FRAS1: variants seen among roughly 807,000 people sequenced by gnomAD.
The protein encoded by FRAS1 is Fraser extracellular matrix complex subunit 1, also known as extracellular matrix organizing protein FRAS1.
In FRAS1, 290 loss-of-function variants were observed where a neutral mutation model predicts 435.2. That is an observed-to-expected ratio of 0.67 (90% confidence interval 0.61 to 0.73). The LOEUF (loss-of-function observed/expected upper bound fraction) is 0.73, where lower values mean the gene tolerates loss of function less well. Among genes scored for constraint, FRAS1 ranks in the 30% least tolerant of loss-of-function variants. FRAS1 has a pLI of 0.00. For synonymous variants in FRAS1, 1,800 were observed against 1,851.0 expected (o/e 0.97, Z 0.71); for missense variants, 4,860 against 5,001.5 (o/e 0.97, Z 0.85).
At chr4:78,310,863 T>G (rs891034998) in intron 15 of FRAS1, among the ~76,000 whole-genome samples, 12 of 152,232 alleles carry the variant, frequency 7.9e-5, no homozygotes, top group African/African-American at 2.9e-4. Context: ...TTTAACAATT[T>G]ATAACCTACC....
At chr4:78,337,299 C>A (rs1448094698) in intron 19 of FRAS1, among the ~76,000 whole-genome samples, 1 of 152,146 alleles carries the variant, frequency 6.6e-6, no homozygotes, top group Non-Finnish European at 1.5e-5. Context: ...CTCCCTGTCC[C>A]ACTCATTCTT....
At chr4:78,206,475 G>A (rs1476624450) in intron 2 of FRAS1, among the ~76,000 whole-genome samples, 1 of 152,124 alleles carries the variant, frequency 6.6e-6, no homozygotes, top group Non-Finnish European at 1.5e-5. Context: ...ATTTTTTGGT[G>A]TTTTCAGCCA....
chr4:78,218,686 C>A (rs545017186), intron 2 of FRAS1, among the ~76,000 whole-genome samples: 1 of 152,222 alleles, frequency 6.6e-6, no homozygotes, highest in African/African-American at 2.4e-5. Flanking sequence ...TCAAACCAGT[C>A]TTCCCAGAGG....
chr4:78,157,888 A>G (rs1424602519), intron 2 of FRAS1, among the ~76,000 whole-genome samples: 1 of 152,038 alleles, frequency 6.6e-6, no homozygotes, highest in Non-Finnish European at 1.5e-5. Context: ...TATTCTGTAT[A>G]TGGATGGCCA....
intron 51 of FRAS1, among the ~76,000 whole-genome samples, chr4:78,470,969 A>C (rs1719687923): frequency 6.6e-6 from 1 of 152,210 alleles, no homozygotes; most frequent in African/African-American, 2.4e-5. Flanking sequence ...TAGCATCTCT[A>C]GCTGGGCAGG....
intron 20 of FRAS1, among the ~76,000 whole-genome samples, chr4:78,345,278 G>A (rs410769): frequency 0.17 from 25,784 of 152,040 alleles, 2,885 homozygotes; most frequent in African/African-American, 0.32. Context: ...TGGAAATGCT[G>A]GTAATTCCCA....
chr4:78,482,910 G>A (rs796557728), intron 58 of FRAS1, among the ~76,000 whole-genome samples: 21 of 152,298 alleles, frequency 1.4e-4, no homozygotes, highest in African/African-American at 4.6e-4. Flanking sequence ...TACAAGTGGG[G>A]GAAATTATAG....
intron 2 of FRAS1, among the ~76,000 whole-genome samples, chr4:78,100,796 G>A (rs1157238074): frequency 2.6e-5 from 4 of 152,114 alleles, no homozygotes; most frequent in Admixed American, 2.6e-4. Context: ...ACATCTTTGA[G>A]GTATGGATAT....
rs571054129 is a variant in FRAS1 at position 78,286,524 on chromosome 4, C to T, written c.1519C>T (p.Arg507Cys). The T allele has an allele frequency of 1.4e-5, 23 of 1,612,834 alleles. No homozygotes were observed. Among genetic ancestry groups the T allele is most frequent in the African/African-American group, 1.3e-4 (10 of 75,050 alleles). ...PTCGDGFYQD[R>C]HSCAVCHESC... ...CTGTGGGGACGGCTTCTACCAAGAT[C>T]GCCATTCCTGTGCAGGTAATCTCTG... Residue 507 changes from arginine (R) to cysteine (C), a missense_variant, in exon 14 of 74, where the codon CGC becomes TGC. Arg to Cys is a radical substitution (Grantham distance 180). Coordinates refer to ENST00000512123, the MANE Select transcript of FRAS1 (RefSeq NM_025074.7).
At chr4:78,511,068 C>T (rs957643215) in intron 63 of FRAS1, among the ~76,000 whole-genome samples, 3 of 152,120 alleles carry the variant, frequency 2.0e-5, no homozygotes, top group East Asian at 1.9e-4. Flanking sequence ...ACTATCTTAC[C>T]CCCTTAGGCT....
At chr4:78,332,175 G>C (rs146293010) in intron 18 of FRAS1, among the ~76,000 whole-genome samples, 19 of 152,148 alleles carry the variant, frequency 1.2e-4, no homozygotes, top group Admixed American at 1.2e-3. Flanking sequence ...GAGTGTAAGC[G>C]TATGATAAGG....
intron 3 of FRAS1, 70 bp downstream of exon 3, chr4:78,237,687 C>A: frequency 1.3e-6 from 1 of 764,500 alleles, no homozygotes; most frequent in East Asian, 2.8e-5. Flanking sequence ...TGGATCATTT[C>A]AGACATCTGT....
At chr4:78,356,472 C>G (rs1372380695) in intron 20 of FRAS1, among the ~76,000 whole-genome samples, 1 of 152,196 alleles carries the variant, frequency 6.6e-6, no homozygotes, top group East Asian at 1.9e-4. Flanking sequence ...CTTCCCCAGT[C>G]ATGCAAAGAG....
chr4:78,160,833 A>G (rs570424546), intron 2 of FRAS1, among the ~76,000 whole-genome samples: 2 of 152,300 alleles, frequency 1.3e-5, no homozygotes, highest in African/African-American at 2.4e-5. Flanking sequence ...GACATAAGCC[A>G]TTTAAAGATC....
intron 66 of FRAS1, 52 bp from the exon 67 acceptor site, chr4:78,519,279 C>G: frequency 7.0e-7 from 1 of 1,436,392 alleles, no homozygotes; most frequent in Non-Finnish European, 9.2e-7. Context: ...GATAGTATGT[C>G]TTTTCATCCC....
intron 2 of FRAS1, among the ~76,000 whole-genome samples, chr4:78,156,049 C>A (rs1186665074): frequency 1.3e-5 from 2 of 152,146 alleles, no homozygotes; most frequent in Admixed American, 6.5e-5. Flanking sequence ...CTGACCAGTT[C>A]TAAAATAGAG....
At chr4:78,271,998 A>C (rs1396984792) in intron 9 of FRAS1, among the ~76,000 whole-genome samples, 1 of 152,206 alleles carries the variant, frequency 6.6e-6, no homozygotes, top group East Asian at 1.9e-4. Flanking sequence ...CTTTTTAAAG[A>C]TTGCCATTCT....
chr4:78,450,455 A>T, intron 45 of FRAS1, 116 bp downstream of exon 45: 2 of 812,230 alleles, frequency 2.5e-6, no homozygotes, highest in Non-Finnish European at 2.1e-6. Context: ...TGTTTTGAGG[A>T]GCTTCATTTG....
At chr4:78,252,126 C>T (rs560787704) in intron 4 of FRAS1, among the ~76,000 whole-genome samples, 1 of 152,032 alleles carries the variant, frequency 6.6e-6, no homozygotes, top group South Asian at 2.1e-4. Flanking sequence ...TTTTTATTTT[C>T]TTTTTGTATT....
Sources: allele counts gnomAD v4.1 joint callset (sites outside exome capture counted in the v4.1 genomes callset), GRCh38; gene constraint gnomAD v4.1.1; transcripts MANE v1.5; gene names NCBI Gene and HGNC (gene_info 2026-07-23, HGNC 2026-07-21).